Variants in GLRA3 observed in about 807,000 individuals in gnomAD.
GLRA3 encodes the protein glycine receptor alpha 3, also known as glycine receptor subunit alpha-3.
GLRA3 carries 44 observed loss-of-function variants against 60.4 expected under a neutral mutation model. That is an observed-to-expected ratio of 0.73 (90% CI 0.57 to 0.94). The LOEUF is 0.94. Ranked by LOEUF, GLRA3 falls within the 40% of genes least tolerant of loss-of-function variation. The pLI, the probability that GLRA3 is intolerant of heterozygous loss-of-function variation, is 0.00. For synonymous variants in GLRA3, 223 were observed against 192.9 expected (o/e 1.16, Z -1.29); for missense variants, 508 against 564.6 (o/e 0.90, Z 1.02).
At position 174,745,691 on chromosome 4, in the gene GLRA3, G is replaced by C. The variant is rs79559543; in HGVS notation, c.268-16993C>G. On this transcript the variant is annotated intron_variant, in intron 3 of 9. Transcript: ENST00000274093. ...AAGCAAAATAAACAGTCAACAAAAT[G>C]AGGAGATAAGCTGCAGAATGGGAGA... 5.5e-3 allele frequency among the ~76,000 whole-genome samples: 836 copies of C among 152,010 alleles called. 5 individuals are homozygous for C. The highest frequency in any genetic ancestry group is 0.018 in the African/African-American group (759 of 41,470).
At position 174,708,675 on chromosome 4, in the gene GLRA3, T is replaced by C. The variant is rs796233214; in HGVS notation, c.574+6813A>G. Among the ~76,000 whole-genome samples the C allele has an allele frequency of 1.7e-4, 26 of 151,040 alleles. 1 individual carries two copies. Among genetic ancestry groups the C allele is most frequent in the African/African-American group, 6.3e-4 (26 of 41,324 alleles). ...AGTGCAATACATTCCTCTTTAGATA[T>C]GAACTACAGAATTAGACCCTTTATG... On this transcript the variant is annotated intron_variant, in intron 5 of 9. Transcript: ENST00000274093.
chr4:174,647,361 C>T (rs952961546), intron 9 of GLRA3, among the ~76,000 whole-genome samples: 6 of 150,510 alleles, frequency 4.0e-5, no homozygotes, highest in African/African-American at 1.5e-4. Flanking sequence ...AAGCTAAGAT[C>T]GCGCCACTGC....
At chr4:174,721,205 T>A (rs1736117874) in intron 4 of GLRA3, among the ~76,000 whole-genome samples, 1 of 152,112 alleles carries the variant, frequency 6.6e-6, no homozygotes, top group African/African-American at 2.4e-5. Context: ...ATTTTTGTAT[T>A]TTTAGTAGAG....
intron 2 of GLRA3, among the ~76,000 whole-genome samples, chr4:174,774,364 ATG>A (rs141440746): frequency 8.2e-4 from 123 of 150,540 alleles, no homozygotes; most frequent in African/African-American, 2.3e-3. Flanking sequence ...GTGTGTGTGT[ATG>A]TGTGTGTGTG....
intron 1 of GLRA3, among the ~76,000 whole-genome samples, chr4:174,824,128 G>A (rs1740862097): frequency 6.6e-6 from 1 of 152,170 alleles, no homozygotes; most frequent in African/African-American, 2.4e-5. Context: ...TCTTCTGCAA[G>A]CATCTTAACC....
At chr4:174,708,370 C>T (rs1380701661) in intron 5 of GLRA3, among the ~76,000 whole-genome samples, 1 of 151,820 alleles carries the variant, frequency 6.6e-6, no homozygotes, top group Non-Finnish European at 1.5e-5. Context: ...ATTTCTATCC[C>T]AAAACCCCAT....
intron 3 of GLRA3, among the ~76,000 whole-genome samples, chr4:174,762,441 T>C (rs898767961): frequency 1.3e-5 from 2 of 152,164 alleles, no homozygotes; most frequent in Admixed American, 1.3e-4. Context: ...TCATGGAAGC[T>C]GCTTATCATC....
chr4:174,705,937 A>G (rs1735497512), intron 5 of GLRA3, among the ~76,000 whole-genome samples: 1 of 152,170 alleles, frequency 6.6e-6, no homozygotes, highest in Non-Finnish European at 1.5e-5. Context: ...TTAATGGGAT[A>G]GGAAGCAACT....
At chr4:174,827,275 C>T (rs1259467569) in intron 1 of GLRA3, among the ~76,000 whole-genome samples, 3 of 151,692 alleles carry the variant, frequency 2.0e-5, no homozygotes, top group Non-Finnish European at 4.4e-5. Context: ...TATCTCAGAA[C>T]ATGTTTTAAC....
Position 174,779,718 on chromosome 4 carries a change from G to A in GLRA3, c.199+9098C>T, listed in dbSNP as rs1738786611. Among the ~76,000 whole-genome samples, 6 of 152,210 alleles carry A rather than the reference G, an allele frequency of 3.9e-5. No individual in the cohort carries two copies. In the South Asian group the frequency reaches 1.2e-3, roughly 32 times the overall value. On this transcript the variant is annotated intron_variant, in intron 2 of 9. Transcript: ENST00000274093. Reference sequence around the variant, plus strand: ...AACTGGAAGAAAGGGTATCAGAGATGGAAGATGAAATGAATGAAATGAAGC... The same window carrying A: ...AACTGGAAGAAAGGGTATCAGAGATAGAAGATGAAATGAATGAAATGAAGC...
Position 174,788,821 on chromosome 4 carries a change from A to C in GLRA3, c.194T>G (p.Phe65Cys). ...SGYDARIRPN[F>C]KGPPVNVTCN... ...GTAGCAAACAGAACAATTACCTTTA[A>C]AATTGGGTCTGATTCTTGCATCATA... The change falls in exon 2 of 10, where the codon TTT becomes TGT. Residue 65 changes from phenylalanine (F) to cysteine (C), a missense_variant. Phe to Cys is a radical substitution (Grantham distance 205). Around this residue, in one of 3 missense-constraint regions of GLRA3, gnomAD observed 329 missense variants for 349.3 expected, o/e 0.94. Transcript: ENST00000274093. 6.3e-7 allele frequency: 1 copy of C among 1,598,744 alleles called. No individual in the cohort carries two copies. The highest frequency in any genetic ancestry group is 8.5e-7 in the Non-Finnish European group (1 of 1,171,810).
intron 1 of GLRA3, among the ~76,000 whole-genome samples, chr4:174,817,487 AAAC>A (rs1156316699): frequency 6.6e-6 from 1 of 152,180 alleles, no homozygotes; most frequent in Non-Finnish European, 1.5e-5. Flanking sequence ...ATCTGTACTA[AAAC>A]AACAATAAGA....
chr4:174,815,977 G>A (rs1740485250), intron 1 of GLRA3, among the ~76,000 whole-genome samples: 1 of 152,148 alleles, frequency 6.6e-6, no homozygotes, highest in Non-Finnish European at 1.5e-5. Context: ...CAAATTTTCT[G>A]AACTTTTATG....
intron 2 of GLRA3, among the ~76,000 whole-genome samples, chr4:174,778,004 T>A (rs1738674021): frequency 6.6e-6 from 1 of 152,214 alleles, no homozygotes; most frequent in African/African-American, 2.4e-5. Context: ...AATATCCTAC[T>A]GTTTAGTCTT....
chr4:174,724,865 G>A (rs137998892), intron 4 of GLRA3, among the ~76,000 whole-genome samples: 103 of 152,186 alleles, frequency 6.8e-4, no homozygotes, highest in Non-Finnish European at 1.3e-3. Flanking sequence ...CTTCAGTGAC[G>A]TCTAGAAAAA....
At chr4:174,814,094 G>C (rs1464089309) in intron 1 of GLRA3, among the ~76,000 whole-genome samples, 6 of 152,164 alleles carry the variant, frequency 3.9e-5, no homozygotes, top group Non-Finnish European at 8.8e-5. Context: ...GCTCCAAAGA[G>C]CATGTATTAC....
rs2111420140 is a variant in GLRA3 at position 174,829,009 on chromosome 4, G to GT, written c.-199dup. ...TTGAGCAGAAGTGGAGAGTCACAGT[G>GT]TTATAAATGTGCAGGTGATTTTTAC... is the stretch of plus-strand genomic sequence containing the variant. On this transcript the variant is annotated 5_prime_UTR_variant, in exon 1 of 10. Coordinates refer to ENST00000274093, the MANE Select transcript of GLRA3 (RefSeq NM_006529.4). The GT allele has an allele frequency of 1.9e-6, 1 of 534,114 alleles. No homozygotes were observed. Among genetic ancestry groups the GT allele is most frequent in the East Asian group, 3.1e-5 (1 of 32,688 alleles). The allele number at this position is 534,114 out of a possible 1,614,324, so 33.1% of individuals were successfully genotyped here.
chr4:174,813,783 A>G (rs968325661), intron 1 of GLRA3, among the ~76,000 whole-genome samples: 3 of 152,136 alleles, frequency 2.0e-5, no homozygotes, highest in African/African-American at 7.2e-5. Context: ...TGTCATCTTT[A>G]TTTAATGACT....
At chr4:174,665,011 A>T (rs4594700) in intron 7 of GLRA3, among the ~76,000 whole-genome samples, 53,239 of 151,952 alleles carry the variant, frequency 0.35, 11,159 homozygotes, top group Non-Finnish European at 0.46. Flanking sequence ...AATTTAAAAG[A>T]AGTGTTGTAA....
Sources: gnomAD v4.1 joint callset for allele counts (sites outside exome capture counted in the v4.1 genomes callset) on GRCh38, gnomAD v4.1.1 for gene constraint, gnomAD v4.1.1 regional missense constraint, MANE v1.5 for transcripts, NCBI Gene and HGNC (gene_info 2026-07-23, HGNC 2026-07-21) for gene names.